UBE2E2: variants seen among roughly 807,000 people sequenced by gnomAD.
UBE2E2 encodes the protein ubiquitin-conjugating enzyme E2 E2.
Under a neutral mutation model 24.7 loss-of-function variants are expected in UBE2E2, and 6 were observed. The observed-to-expected ratio is 0.24, with a 90% CI of 0.13 to 0.48. The LOEUF is 0.48. Ranked by LOEUF, UBE2E2 falls within the 20% of genes least tolerant of loss-of-function variation. The pLI, the probability that UBE2E2 is intolerant of heterozygous loss-of-function variation, is 0.99. For synonymous variants in UBE2E2, 104 were observed against 83.6 expected (o/e 1.24, Z -1.33); for missense variants, 169 against 245.0 (o/e 0.69, Z 2.07).
rs116175379 is a variant in UBE2E2 at position 23,261,776 on chromosome 3, T to A, written c.227+44464T>A. Among the ~76,000 whole-genome samples, 360 of 152,364 alleles carry A rather than the reference T, an allele frequency of 2.4e-3. 3 individuals are homozygous for A. Among genetic ancestry groups the A allele is most frequent in the African/African-American group, 8.2e-3 (343 of 41,588 alleles). ...TAATGCGCTTCAGAATCATCCAATGTGTAGCAAATGGCAGGATTTCCTTCC... is the reference window on the plus strand; with the variant it reads ...TAATGCGCTTCAGAATCATCCAATGAGTAGCAAATGGCAGGATTTCCTTCC... On this transcript the variant is annotated intron_variant, in intron 3 of 5. Coordinates refer to ENST00000396703, the MANE Select transcript of UBE2E2 (RefSeq NM_152653.4).
intron 5 of UBE2E2, among the ~76,000 whole-genome samples, chr3:23,554,905 C>A (rs1695738848): frequency 6.6e-6 from 1 of 151,854 alleles, no homozygotes; most frequent in East Asian, 1.9e-4. Context: ...ATCCACTGGA[C>A]CTGAATATAC....
chr3:23,373,950 T>A (rs964761164), intron 3 of UBE2E2, among the ~76,000 whole-genome samples: 1 of 151,998 alleles, frequency 6.6e-6, no homozygotes, highest in Admixed American at 6.5e-5. Context: ...AATGCAAATG[T>A]TTATTAAATG....
intron 3 of UBE2E2, among the ~76,000 whole-genome samples, chr3:23,337,964 C>T (rs187487494): frequency 3.6e-4 from 55 of 152,146 alleles, no homozygotes; most frequent in Admixed American, 3.4e-3. Flanking sequence ...AAGGCTGTGG[C>T]GGCAACTTGA....
intron 3 of UBE2E2, among the ~76,000 whole-genome samples, chr3:23,256,530 C>T (rs1697726845): frequency 6.6e-6 from 1 of 152,082 alleles, no homozygotes; most frequent in South Asian, 2.1e-4. Flanking sequence ...TAATTAAGAA[C>T]ATTAAAGTTC....
At chr3:23,411,545 A>T (rs771131624) in intron 3 of UBE2E2, among the ~76,000 whole-genome samples, 8 of 152,112 alleles carry the variant, frequency 5.3e-5, no homozygotes, top group Non-Finnish European at 1.2e-4. Context: ...AGGAGCGAGG[A>T]GGTTTTGGGG....
At chr3:23,366,816 A>T (rs980562348) in intron 3 of UBE2E2, among the ~76,000 whole-genome samples, 8 of 152,208 alleles carry the variant, frequency 5.3e-5, no homozygotes, top group Non-Finnish European at 1.0e-4. Flanking sequence ...TTTAGAGTAA[A>T]TTGTGAAAAA....
At chr3:23,554,637 G>C (rs1407901154) in intron 5 of UBE2E2, among the ~76,000 whole-genome samples, 1 of 152,066 alleles carries the variant, frequency 6.6e-6, no homozygotes, top group Non-Finnish European at 1.5e-5. Flanking sequence ...AGAAAACGTG[G>C]GTAAAAGCTC....
intron 3 of UBE2E2, among the ~76,000 whole-genome samples, chr3:23,354,407 C>T (rs1695871486): frequency 6.6e-6 from 1 of 152,174 alleles, no homozygotes; most frequent in Non-Finnish European, 1.5e-5. Context: ...TAAAGAGCTT[C>T]TGCACAGCAA....
intron 3 of UBE2E2, among the ~76,000 whole-genome samples, chr3:23,397,363 AAC>A (rs1369113755): frequency 5.9e-5 from 9 of 152,068 alleles, no homozygotes; most frequent in Non-Finnish European, 1.3e-4. Flanking sequence ...TAAACTTTTG[AAC>A]AATTTTGAAA....
chr3:23,353,924 G>A (rs1239702678), intron 3 of UBE2E2, among the ~76,000 whole-genome samples: 5 of 152,062 alleles, frequency 3.3e-5, no homozygotes, highest in South Asian at 2.1e-4. Context: ...AGCCTGCATC[G>A]CCAAGTCAGT....
chr3:23,474,421 C>A lies in UBE2E2; in HGVS notation c.228-25187C>A, dbSNP rs866943788. Among the ~76,000 whole-genome samples the A allele has an allele frequency of 6.6e-6, 1 of 151,976 alleles. No individual in the cohort carries two copies. The highest frequency in any genetic ancestry group is 1.5e-5 in the Non-Finnish European group (1 of 68,018). On this transcript the variant is annotated intron_variant, in intron 3 of 5. Transcript: ENST00000396703. This position sits in a 1 kb window ranked among gnomAD's most constrained non-coding sequence, Gnocchi z 4.0. ...AAATGCAAATTTGGTACAAAGTACTCTTTTCTGAAGGGAACGTGCAGATTT... is the reference window on the plus strand; with the variant it reads ...AAATGCAAATTTGGTACAAAGTACTATTTTCTGAAGGGAACGTGCAGATTT...
At chr3:23,533,610 C>A (rs1220601481) in intron 5 of UBE2E2, among the ~76,000 whole-genome samples, 1 of 142,280 alleles carries the variant, frequency 7.0e-6, no homozygotes. Context: ...TTTAAAGTAG[C>A]AAATTAGTAT....
At chr3:23,463,347 T>A (rs370708065) in intron 3 of UBE2E2, among the ~76,000 whole-genome samples, 113 of 152,238 alleles carry the variant, frequency 7.4e-4, no homozygotes, top group African/African-American at 2.3e-3. Context: ...CAGCTTGGAA[T>A]TAGGAAGAGG....
intron 4 of UBE2E2, among the ~76,000 whole-genome samples, chr3:23,507,074 A>G (rs1388701644): frequency 6.6e-6 from 1 of 152,120 alleles, no homozygotes; most frequent in African/African-American, 2.4e-5. Context: ...GCCAGCCATC[A>G]TTTTTTACTC....
intron 3 of UBE2E2, among the ~76,000 whole-genome samples, chr3:23,404,377 A>G (rs1697306423): frequency 6.6e-6 from 1 of 152,232 alleles, no homozygotes; most frequent in African/African-American, 2.4e-5. Context: ...ATAAATGTCC[A>G]AGTCAATGGA....
chr3:23,475,331 T>C (rs1207681658), intron 3 of UBE2E2, among the ~76,000 whole-genome samples: 3 of 152,054 alleles, frequency 2.0e-5, no homozygotes, highest in Non-Finnish European at 4.4e-5. Context: ...TTACCTGAAT[T>C]TCATACCTGG....
At chr3:23,447,506 A>G (rs1698462228) in intron 3 of UBE2E2, among the ~76,000 whole-genome samples, 1 of 152,224 alleles carries the variant, frequency 6.6e-6, no homozygotes, top group Non-Finnish European at 1.5e-5. Context: ...TTCCAGGGGC[A>G]GTTGTGGAGA....
At chr3:23,239,113 A>C (rs1477710649) in intron 3 of UBE2E2, among the ~76,000 whole-genome samples, 1 of 152,112 alleles carries the variant, frequency 6.6e-6, no homozygotes, top group African/African-American at 2.4e-5. Flanking sequence ...CTCTTCTTTG[A>C]AACAGTATGA....
chr3:23,331,525 G>A (rs1388973851), intron 3 of UBE2E2, among the ~76,000 whole-genome samples: 4 of 152,008 alleles, frequency 2.6e-5, no homozygotes, highest in Admixed American at 1.3e-4. Context: ...GTAAGGTGGT[G>A]ATTTCAGATA....
Sources: allele counts gnomAD v4.1 joint callset (sites outside exome capture counted in the v4.1 genomes callset), GRCh38; gene constraint gnomAD v4.1.1; non-coding constraint Gnocchi (gnomAD v3.1); transcripts MANE v1.5; gene names NCBI Gene and HGNC (gene_info 2026-07-23, HGNC 2026-07-21).